ARHGAP10: variants seen among roughly 807,000 people sequenced by gnomAD.
ARHGAP10 encodes Rho GTPase activating protein 10, also known as rho GTPase-activating protein 10.
Under a neutral mutation model 108.6 loss-of-function variants are expected in ARHGAP10, and 87 were observed. The observed-to-expected ratio is 0.80, with a 90% CI of 0.67 to 0.96. The LOEUF (loss-of-function observed/expected upper bound fraction) is 0.96. Ranked by LOEUF, ARHGAP10 falls within the 40% of genes least tolerant of loss-of-function variation. The pLI is 0.00. For synonymous variants in ARHGAP10, 347 were observed against 341.1 expected, an observed-to-expected ratio of 1.02 and a Z score of -0.19; for missense variants, 939 against 954.5, an observed-to-expected ratio of 0.98 and a Z score of 0.21.
chr4:147,946,650 A>T lies in ARHGAP10; in HGVS notation c.1337A>T (p.Asn446Ile). 1 of 1,612,948 alleles carries T rather than the reference A, an allele frequency of 6.2e-7. No homozygotes were observed. The highest frequency in any genetic ancestry group is 1.1e-5 in the South Asian group (1 of 90,712). ...VKTCNEVDLE[N>I]SADWEVKTIT... ...ACATGCAATGAGGTGGACCTGGAGA[A>T]TTCTGCAGATTGGGAAGTGAAGACA... is the stretch of plus-strand genomic sequence containing the variant. The change falls in exon 15 of 23, where the codon AAT becomes ATT. Residue 446 changes from asparagine (N) to isoleucine (I), a missense_variant. Coordinates refer to ENST00000336498, the MANE Select transcript of ARHGAP10 (RefSeq NM_024605.4).
chr4:147,885,336 C>T (rs775691852), intron 10 of ARHGAP10, among the ~76,000 whole-genome samples: 44 of 152,186 alleles, frequency 2.9e-4, no homozygotes, highest in Non-Finnish European at 5.3e-4. Context: ...AAAGGCACAT[C>T]TTACATGGCA....
chr4:147,771,040 G>A (rs929798238), intron 1 of ARHGAP10, among the ~76,000 whole-genome samples: 1 of 152,026 alleles, frequency 6.6e-6, no homozygotes, highest in African/African-American at 2.4e-5. Flanking sequence ...CCACCCTAAT[G>A]ACCTCATTTT....
At chr4:148,029,026 A>G (rs1006153035) in intron 19 of ARHGAP10, among the ~76,000 whole-genome samples, 1 of 152,214 alleles carries the variant, frequency 6.6e-6, no homozygotes, top group Non-Finnish European at 1.5e-5. Flanking sequence ...AGTGTGTTCA[A>G]TACGTATTCT....
intron 1 of ARHGAP10, among the ~76,000 whole-genome samples, chr4:147,777,032 C>T (rs910897159): frequency 3.3e-5 from 5 of 152,084 alleles, no homozygotes; most frequent in African/African-American, 1.2e-4. Context: ...TATGACTGGG[C>T]GTGTCCTGGC....
At chr4:147,877,785 C>T (rs1735133369) in intron 8 of ARHGAP10, among the ~76,000 whole-genome samples, 1 of 147,510 alleles carries the variant, frequency 6.8e-6, no homozygotes, top group Non-Finnish European at 1.5e-5. Flanking sequence ...TGGACAGTCA[C>T]TCCTATTGAG....
At chr4:147,945,933 C>T (rs1317835180) in intron 14 of ARHGAP10, among the ~76,000 whole-genome samples, 1 of 152,172 alleles carries the variant, frequency 6.6e-6, no homozygotes, top group Non-Finnish European at 1.5e-5. Flanking sequence ...AAGGCCACCA[C>T]ACATGAATTG....
At chr4:147,921,179 C>T (rs191296038) in intron 13 of ARHGAP10, among the ~76,000 whole-genome samples, 4 of 152,188 alleles carry the variant, frequency 2.6e-5, no homozygotes, top group African/African-American at 9.6e-5. Context: ...TGAAGTTGTA[C>T]CAGTCACATT....
intron 20 of ARHGAP10, among the ~76,000 whole-genome samples, chr4:148,050,026 C>T (rs1011086533): frequency 1.3e-5 from 2 of 152,094 alleles, no homozygotes; most frequent in South Asian, 4.1e-4. Context: ...TGCCACCGCA[C>T]TGGCTACTTT....
chr4:147,884,583 G>T (rs1481780833), intron 10 of ARHGAP10, among the ~76,000 whole-genome samples: 2 of 152,156 alleles, frequency 1.3e-5, no homozygotes, highest in Non-Finnish European at 2.9e-5. Context: ...TCCTTTCTGG[G>T]AACTCCTGGC....
At chr4:147,753,861 T>G (rs1324221147) in intron 1 of ARHGAP10, among the ~76,000 whole-genome samples, 2 of 152,156 alleles carry the variant, frequency 1.3e-5, no homozygotes, top group East Asian at 1.9e-4. Context: ...TCCACATGTA[T>G]GAGAGTCCTT....
At chr4:147,910,854 A>G (rs539140394) in intron 12 of ARHGAP10, among the ~76,000 whole-genome samples, 57 of 152,316 alleles carry the variant, frequency 3.7e-4, no homozygotes, top group Non-Finnish European at 1.0e-4. Context: ...GTGTTTGAAT[A>G]AAACACAACT....
chr4:147,996,658 C>G (rs561530927), intron 18 of ARHGAP10, among the ~76,000 whole-genome samples: 8 of 152,236 alleles, frequency 5.3e-5, no homozygotes, highest in Non-Finnish European at 1.0e-4. Flanking sequence ...CTCATCCTCC[C>G]TGTACCCATT....
At chr4:147,937,067 T>TCC (rs767898083) in intron 13 of ARHGAP10, among the ~76,000 whole-genome samples, 4 of 151,604 alleles carry the variant, frequency 2.6e-5, no homozygotes, top group Non-Finnish European at 4.4e-5. Flanking sequence ...TCTGAAACCA[T>TCC]CCCCCCCACC....
intron 1 of ARHGAP10, among the ~76,000 whole-genome samples, chr4:147,820,957 T>C (rs4240338): frequency 0.86 from 130,952 of 152,058 alleles, 56,884 homozygotes; most frequent in Non-Finnish European, 0.92. Flanking sequence ...TCAATTACCC[T>C]CAAACCTAAT....
chr4:147,807,649 C>G (rs1041993125), intron 1 of ARHGAP10, among the ~76,000 whole-genome samples: 1 of 151,874 alleles, frequency 6.6e-6, no homozygotes, highest in Non-Finnish European at 1.5e-5. Context: ...TATTTGAAAC[C>G]AAATTATTAT....
Position 147,927,176 on chromosome 4 carries a change from C to G in ARHGAP10, c.1229-12649C>G, listed in dbSNP as rs2126943146. On this transcript the variant is annotated intron_variant, in intron 13 of 22. Transcript: ENST00000336498. ...AGATGAAGGAAAGAAAAACAGAAGA[C>G]AAGCTGTTAAATAACAAAGTTTAAA... Among the ~76,000 whole-genome samples, 3 of 152,228 alleles carry G rather than the reference C, an allele frequency of 2.0e-5. 1 individual carries two copies. In the Middle Eastern group the frequency reaches 0.01, roughly 518 times the overall value.
chr4:148,052,759 G>A (rs982679634), intron 20 of ARHGAP10, among the ~76,000 whole-genome samples: 11 of 152,120 alleles, frequency 7.2e-5, no homozygotes, highest in African/African-American at 2.7e-4. Flanking sequence ...AAACAGCAGG[G>A]TCACTTAGAT....
intron 20 of ARHGAP10, among the ~76,000 whole-genome samples, chr4:148,049,663 C>T (rs1031660801): frequency 2.0e-5 from 3 of 152,120 alleles, no homozygotes; most frequent in East Asian, 1.9e-4. Context: ...TATTATTTGG[C>T]GCTAAGAAAT....
intron 18 of ARHGAP10, among the ~76,000 whole-genome samples, chr4:148,003,345 A>G (rs1248851501): frequency 2.6e-5 from 4 of 152,174 alleles, no homozygotes; most frequent in Non-Finnish European, 5.9e-5. Flanking sequence ...CTATGTGGTC[A>G]GTTTTGGAGG....
Sources: allele counts gnomAD v4.1 joint callset (sites outside exome capture counted in the v4.1 genomes callset), GRCh38; gene constraint gnomAD v4.1.1; transcripts MANE v1.5; gene names NCBI Gene and HGNC (gene_info 2026-07-23, HGNC 2026-07-21).